EPHA7: variants seen among roughly 807,000 people sequenced by gnomAD.
EPHA7 encodes the protein ephrin type-A receptor 7.
EPHA7 carries 25 observed loss-of-function variants against 112.6 expected under a neutral mutation model. The observed-to-expected ratio is 0.22, with a 90% confidence interval of 0.16 to 0.31. EPHA7 has a LOEUF of 0.31. EPHA7 is among the 10% of genes least tolerant of loss of function. The pLI is 1.00. For missense variants in EPHA7, 962 were observed against 1,212.6 expected, an observed-to-expected ratio of 0.79 and a Z score of 3.07; for synonymous variants, 437 against 406.5, an observed-to-expected ratio of 1.07 and a Z score of -0.90.
chr6:93,376,089 T>C (rs1777045767), intron 3 of EPHA7, among the ~76,000 whole-genome samples: 1 of 152,108 alleles, frequency 6.6e-6, no homozygotes, highest in South Asian at 2.1e-4. Flanking sequence ...GAGGGCACAC[T>C]GCTATACTGT....
At chr6:93,341,394 CGT>C (rs147645571) in intron 5 of EPHA7, among the ~76,000 whole-genome samples, 4 of 150,590 alleles carry the variant, frequency 2.7e-5, no homozygotes, top group Non-Finnish European at 4.5e-5. Flanking sequence ...TTTGAGTGTG[CGT>C]GTGTGTGTGT....
intron 14 of EPHA7, among the ~76,000 whole-genome samples, chr6:93,247,810 C>T (rs749836023): frequency 6.6e-6 from 1 of 152,006 alleles, no homozygotes; most frequent in Non-Finnish European, 1.5e-5. Flanking sequence ...ATCCAATAGC[C>T]TAAAAAACTG....
At chr6:93,416,580 C>T (rs1201621427) in intron 1 of EPHA7, among the ~76,000 whole-genome samples, 1 of 152,200 alleles carries the variant, frequency 6.6e-6, no homozygotes, top group Non-Finnish European at 1.5e-5. Context: ...TAATCGGAAG[C>T]CGCTCTCAAG....
chr6:93,250,353 T>C (rs987398454), intron 14 of EPHA7, among the ~76,000 whole-genome samples: 1 of 152,148 alleles, frequency 6.6e-6, no homozygotes, highest in Non-Finnish European at 1.5e-5. Context: ...CTAATAATCA[T>C]TGTTAATATT....
intron 1 of EPHA7, among the ~76,000 whole-genome samples, chr6:93,419,035 G>A (rs1419615408): frequency 6.6e-6 from 1 of 152,188 alleles, no homozygotes; most frequent in African/African-American, 2.4e-5. Flanking sequence ...GGACGGCTCC[G>A]GGCACAGGGC....
chr6:93,376,970 C>T (rs1353878737), intron 3 of EPHA7, among the ~76,000 whole-genome samples: 2 of 152,130 alleles, frequency 1.3e-5, no homozygotes, highest in African/African-American at 4.8e-5. Flanking sequence ...TTACATATAA[C>T]CACCATGAGG....
intron 5 of EPHA7, among the ~76,000 whole-genome samples, chr6:93,303,844 T>C (rs1325837329): frequency 6.6e-6 from 1 of 152,122 alleles, no homozygotes; most frequent in Admixed American, 6.6e-5. Flanking sequence ...CTATCGTCTA[T>C]AAGCCACCTT....
intron 13 of EPHA7, among the ~76,000 whole-genome samples, chr6:93,255,547 T>C (rs16871090): frequency 0.036 from 5,455 of 152,256 alleles, 336 homozygotes; most frequent in African/African-American, 0.12. Context: ...TCTACAAATA[T>C]GAGTGCTAGT....
At chr6:93,409,408 T>C (rs1283175172) in intron 3 of EPHA7, among the ~76,000 whole-genome samples, 1 of 151,984 alleles carries the variant, frequency 6.6e-6, no homozygotes, top group Non-Finnish European at 1.5e-5. Flanking sequence ...GTGTAAAACA[T>C]AAATGATAAT....
At chr6:93,400,422 A>T (rs1180459846) in intron 3 of EPHA7, among the ~76,000 whole-genome samples, 1 of 152,058 alleles carries the variant, frequency 6.6e-6, no homozygotes, top group Non-Finnish European at 1.5e-5. Flanking sequence ...AAGCAACTCC[A>T]CATATACAAG....
intron 3 of EPHA7, among the ~76,000 whole-genome samples, chr6:93,372,798 A>G (rs1776865517): frequency 6.6e-6 from 1 of 152,122 alleles, no homozygotes; most frequent in Non-Finnish European, 1.5e-5. Flanking sequence ...CCTAAGTGCT[A>G]TTCAATATGG....
intron 1 of EPHA7, 57 bp from the exon 2 acceptor site, chr6:93,414,824 G>A: frequency 7.4e-7 from 1 of 1,359,210 alleles, no homozygotes; most frequent in East Asian, 2.3e-5. Context: ...CACACATGTA[G>A]ACATTTTTAA....
chr6:93,345,352 C>G (rs938899785), intron 5 of EPHA7, among the ~76,000 whole-genome samples: 2 of 151,742 alleles, frequency 1.3e-5, no homozygotes, highest in African/African-American at 4.8e-5. Context: ...TAATTAAGAA[C>G]TGCATGCTTT....
chr6:93,353,399 GA>G (rs1562117981), intron 5 of EPHA7, among the ~76,000 whole-genome samples: 3 of 152,122 alleles, frequency 2.0e-5, no homozygotes, highest in East Asian at 3.9e-4. Flanking sequence ...TTAAAGCTAA[GA>G]TTTACATAAG....
chr6:93,326,863 C>T (rs537308484), intron 5 of EPHA7, among the ~76,000 whole-genome samples: 115 of 151,630 alleles, frequency 7.6e-4, no homozygotes, highest in Non-Finnish European at 1.4e-3. Context: ...TAAGAAAGAA[C>T]TTTCTAAGAT....
intron 5 of EPHA7, among the ~76,000 whole-genome samples, chr6:93,297,558 A>G (rs1772736136): frequency 6.6e-6 from 1 of 152,140 alleles, no homozygotes; most frequent in African/African-American, 2.4e-5. Context: ...GTTTAGTTCT[A>G]CTATCCCTGA....
At chr6:93,288,021 T>G (rs1051022915) in intron 5 of EPHA7, among the ~76,000 whole-genome samples, 1 of 151,980 alleles carries the variant, frequency 6.6e-6, no homozygotes, top group Non-Finnish European at 1.5e-5. Context: ...GTAAAAGCAG[T>G]TTTTTTTAAA....
intron 5 of EPHA7, among the ~76,000 whole-genome samples, chr6:93,295,355 A>C (rs1350216856): frequency 6.6e-6 from 1 of 151,542 alleles, no homozygotes; most frequent in African/African-American, 2.4e-5. Context: ...GTAATTTTTC[A>C]TTGCTCTCCA....
chr6:93,260,527 TC>T, intron 9 of EPHA7: 1 of 959,084 alleles, frequency 1.0e-6, no homozygotes, highest in Non-Finnish European at 1.2e-6. Context: ...AATCTTTTCA[TC>T]AAATCTTACT....
Sources: allele counts gnomAD v4.1 joint callset (sites outside exome capture counted in the v4.1 genomes callset), GRCh38; gene constraint gnomAD v4.1.1; transcripts MANE v1.5; gene names NCBI Gene and HGNC (gene_info 2026-07-23, HGNC 2026-07-21).